Variants in SEMA6D observed in about 807,000 individuals in gnomAD.
SEMA6D encodes the protein semaphorin-6D.
SEMA6D carries 35 observed loss-of-function variants against 106.6 expected under a neutral mutation model. The ratio of observed to expected loss-of-function variants is 0.33; its 90% CI spans 0.25 to 0.44. The LOEUF is 0.44. Ranked by LOEUF, SEMA6D falls within the 20% of genes least tolerant of loss-of-function variation. The probability of loss-of-function intolerance (pLI) is 1.00; values close to 1 mark genes in which losing one functional copy is unlikely to be tolerated. For missense variants in SEMA6D, 1,185 were observed against 1,345.9 expected (o/e 0.88, Z 1.87); for synonymous variants, 499 against 487.7 (o/e 1.02, Z -0.31).
At chr15:47,518,221 A>G (rs545718244) in intron 3 of SEMA6D, among the ~76,000 whole-genome samples, 1 of 152,326 alleles carries the variant, frequency 6.6e-6, no homozygotes, top group Admixed American at 6.5e-5. Context: ...AAAAACAGGA[A>G]ATACAAGGAC....
intron 4 of SEMA6D, among the ~76,000 whole-genome samples, chr15:47,690,951 A>G (rs1018135533): frequency 6.6e-6 from 1 of 152,144 alleles, no homozygotes; most frequent in Non-Finnish European, 1.5e-5. Context: ...CTCATCTGGA[A>G]CTGTTCCTCA....
At chr15:47,206,201 TC>T (rs1895049760) in intron 1 of SEMA6D, among the ~76,000 whole-genome samples, 1 of 152,220 alleles carries the variant, frequency 6.6e-6, no homozygotes, top group South Asian at 2.1e-4. Context: ...CATATATAGT[TC>T]CTTTTACTTA....
intron 1 of SEMA6D, among the ~76,000 whole-genome samples, chr15:47,348,727 C>CCACAGAGAGAGAGAG (rs1555425939): frequency 1.8e-5 from 1 of 57,054 alleles, no homozygotes; most frequent in Non-Finnish European, 4.0e-5. Context: ...ACCACACACA[C>CCACAGAGAGAGAGAG]AGAGAGAGAG....
At chr15:47,638,405 A>G (rs978789767) in intron 4 of SEMA6D, among the ~76,000 whole-genome samples, 1 of 152,234 alleles carries the variant, frequency 6.6e-6, no homozygotes, top group African/African-American at 2.4e-5. Flanking sequence ...AATCTTCATT[A>G]AACTTGAGAT....
At chr15:47,607,792 G>A (rs753917149) in intron 4 of SEMA6D, among the ~76,000 whole-genome samples, 9 of 152,220 alleles carry the variant, frequency 5.9e-5, no homozygotes, top group Non-Finnish European at 1.0e-4. Context: ...GCATTGGAAG[G>A]GGTACACTGG....
chr15:47,206,807 C>T (rs1895098788), intron 1 of SEMA6D, among the ~76,000 whole-genome samples: 1 of 152,072 alleles, frequency 6.6e-6, no homozygotes, highest in Non-Finnish European at 1.5e-5. Context: ...TCCTGCAGCC[C>T]TCTCCCCACC....
At chr15:47,200,749 C>T (rs1894669572) in intron 1 of SEMA6D, among the ~76,000 whole-genome samples, 1 of 152,012 alleles carries the variant, frequency 6.6e-6, no homozygotes, top group Non-Finnish European at 1.5e-5. Context: ...AAAAAATTGC[C>T]CTACAAACAT....
At chr15:47,676,755 T>C (rs1049309627) in intron 4 of SEMA6D, among the ~76,000 whole-genome samples, 18 of 152,176 alleles carry the variant, frequency 1.2e-4, no homozygotes, top group African/African-American at 3.9e-4. Flanking sequence ...CACATAGATC[T>C]TGAAACAGAT....
intron 1 of SEMA6D, among the ~76,000 whole-genome samples, chr15:47,342,735 G>T (rs2037873084): frequency 2.0e-5 from 3 of 151,976 alleles, no homozygotes; most frequent in African/African-American, 7.3e-5. Context: ...TTTTAAGACA[G>T]TGTCTCCCTC....
intron 2 of SEMA6D, among the ~76,000 whole-genome samples, chr15:47,447,521 C>A (rs1274682077): frequency 1.3e-5 from 2 of 152,138 alleles, no homozygotes; most frequent in Non-Finnish European, 2.9e-5. Flanking sequence ...CACATCCATC[C>A]TCCTGGGGGG....
chr15:47,433,104 A>T (rs1215163956), intron 2 of SEMA6D, among the ~76,000 whole-genome samples: 1 of 152,024 alleles, frequency 6.6e-6, no homozygotes, highest in Non-Finnish European at 1.5e-5. Flanking sequence ...CCTCCTTATA[A>T]GCTGTCTATA....
At chr15:47,234,002 C>T (rs1384945008) in intron 1 of SEMA6D, among the ~76,000 whole-genome samples, 1 of 151,938 alleles carries the variant, frequency 6.6e-6, no homozygotes, top group Non-Finnish European at 1.5e-5. Context: ...CCTGATCTTG[C>T]AGGGAAAGTT....
chr15:47,278,759 A>G (rs1445135693), intron 1 of SEMA6D, among the ~76,000 whole-genome samples: 2 of 150,316 alleles, frequency 1.3e-5, no homozygotes, highest in Non-Finnish European at 3.0e-5. Flanking sequence ...CTAACGTTTA[A>G]GTCTTTAATC....
At chr15:47,546,996 C>G (rs748852409) in intron 3 of SEMA6D, among the ~76,000 whole-genome samples, 57 of 152,192 alleles carry the variant, frequency 3.7e-4, no homozygotes, top group Middle Eastern at 3.4e-3. Flanking sequence ...TGGCCTGCAT[C>G]AGGAAGAGTC....
intron 1 of SEMA6D, among the ~76,000 whole-genome samples, chr15:47,353,360 A>G (rs2038405522): frequency 6.6e-6 from 1 of 152,208 alleles, no homozygotes; most frequent in African/African-American, 2.4e-5. Flanking sequence ...TGAAATAAAA[A>G]TCAAATTATT....
intron 1 of SEMA6D, among the ~76,000 whole-genome samples, chr15:47,253,554 T>C (rs1038962447): frequency 5.3e-5 from 8 of 152,154 alleles, no homozygotes; most frequent in African/African-American, 1.4e-4. Context: ...GAAATAAGGG[T>C]CTAGTTTCCT....
At chr15:47,616,368 C>G (rs2077006771) in intron 4 of SEMA6D, among the ~76,000 whole-genome samples, 1 of 151,884 alleles carries the variant, frequency 6.6e-6, no homozygotes, top group Non-Finnish European at 1.5e-5. Context: ...GACAGGGTTT[C>G]ACCATGTTAG....
rs60490545 is a variant in SEMA6D at position 47,472,997 on chromosome 15, G to A, written c.-87+2452G>A. Among the ~76,000 whole-genome samples, 1,284 of 152,328 alleles carry A rather than the reference G, an allele frequency of 8.4e-3. 24 individuals carry two copies. Among genetic ancestry groups the A allele is most frequent in the African/African-American group, 0.029 (1,205 of 41,576 alleles). Reference sequence around the variant, plus strand: ...GTACCTGCCATTTGAAACTGTAACTGTGATAAGTTAGACAGCACTCTGCTC... The same window carrying A: ...GTACCTGCCATTTGAAACTGTAACTATGATAAGTTAGACAGCACTCTGCTC... On this transcript the variant is annotated intron_variant, in intron 3 of 19. Coordinates refer to the SEMA6D transcript ENST00000558014.
intron 3 of SEMA6D, among the ~76,000 whole-genome samples, chr15:47,536,513 G>A (rs184817449): frequency 6.6e-6 from 1 of 152,316 alleles, no homozygotes; most frequent in East Asian, 1.9e-4. Context: ...TCTAGACTCA[G>A]ACCGATTGAG....
Sources: gnomAD v4.1 joint callset for allele counts (sites outside exome capture counted in the v4.1 genomes callset) on GRCh38, gnomAD v4.1.1 for gene constraint, MANE v1.5 for transcripts, NCBI Gene and HGNC (gene_info 2026-07-23, HGNC 2026-07-21) for gene names.